Variants in DCST2 observed in about 807,000 individuals in gnomAD.
DCST2 encodes the protein DC-STAMP domain-containing protein 2.
A neutral mutation model predicts 81.8 loss-of-function variants in DCST2; 64 were observed. That is an observed-to-expected ratio of 0.78 (90% CI 0.64 to 0.96). The LOEUF is 0.96. Among genes scored for constraint, DCST2 ranks in the 40% least tolerant of loss-of-function variants. The pLI is 0.00. For synonymous variants in DCST2, 354 were observed against 402.6 expected, an observed-to-expected ratio of 0.88 and a Z score of 1.44; for missense variants, 945 against 1,001.4, an observed-to-expected ratio of 0.94 and a Z score of 0.76.
chr1:155,031,302 A>C (rs190656586), intron 4 of DCST2, 68 bp from the exon 5 acceptor site: 3 of 1,458,734 alleles, frequency 2.1e-6, no homozygotes, highest in Admixed American at 2.4e-5. Flanking sequence ...ACCTCTGGAG[A>C]CCTCTTCTCA....
intron 4 of DCST2, 59 bp downstream of exon 4, chr1:155,031,515 T>TTGCCCCCCCCCC: frequency 1.6e-6 from 1 of 643,126 alleles, no homozygotes; most frequent in Non-Finnish European, 2.9e-6. Flanking sequence ...ACCCCCACAT[T>TTGCCCCCCCCCC]CCCACCCCAC....
At position 155,030,595 on chromosome 1, in the gene DCST2, T is replaced by C. The variant is rs757949067; in HGVS notation, c.856A>G (p.Thr286Ala). The C allele has an allele frequency of 3.7e-6, 6 of 1,613,930 alleles. No homozygotes were observed. The highest frequency in any genetic ancestry group is 5.1e-6 in the Non-Finnish European group (6 of 1,179,990). The change falls in exon 6 of 15, where the codon ACA becomes GCA. Residue 286 changes from threonine (T) to alanine (A), a missense_variant. Transcript: ENST00000368424. ...RVRQEFEFNM[T>A]ATHHFSVDLN... is the part of the protein sequence containing the mutation. ...TCCACAGAGAAGTGGTGGGTGGCTG[T>C]CATGTTGAACTCAAACTCCTGACGC... is the stretch of plus-strand genomic sequence containing the variant.
At chr1:155,018,797 C>T in intron 14 of DCST2, 37 bp from the exon 15 acceptor site, 10 of 1,590,570 alleles carry the variant, frequency 6.3e-6, no homozygotes, top group Non-Finnish European at 8.6e-6. Context: ...GGATCACCCA[C>T]CTTCTGTCTT....
Position 155,024,615 on chromosome 1 carries a change from G to C in DCST2, c.1612-13C>G, listed in dbSNP as rs372178165. 8.8e-6 allele frequency: 14 copies of C among 1,587,124 alleles called. No homozygotes were observed. In the African/African-American group the frequency reaches 1.6e-4, roughly 18 times the overall value. On this transcript the variant is annotated splice_polypyrimidine_tract_variant and intron_variant, in intron 10 of 14. Coordinates refer to ENST00000368424, the MANE Select transcript of DCST2 (RefSeq NM_144622.3). ...AGGAGATCCTCTCCTGGTGCGGGGA[G>C]ATCAGGGATGGGGTCCCACTTGACC... is the stretch of plus-strand genomic sequence containing the variant.
intron 14 of DCST2, 58 bp from the exon 15 acceptor site, chr1:155,018,818 T>TCCCTGCC (rs1408509126): frequency 1.9e-5 from 29 of 1,530,608 alleles, no homozygotes; most frequent in Admixed American, 1.1e-4. Flanking sequence ...CACAGGTGCA[T>TCCCTGCC]CCCTGCCCCC....
At chr1:155,028,079 G>A (rs1053725303) in intron 8 of DCST2, among the ~76,000 whole-genome samples, 6 of 151,468 alleles carry the variant, frequency 4.0e-5, no homozygotes, top group Non-Finnish European at 7.4e-5. Flanking sequence ...CACCTGCCAC[G>A]ACGCCTGGCT....
intron 13 of DCST2, 52 bp from the exon 14 acceptor site, chr1:155,023,309 C>T: frequency 6.2e-7 from 1 of 1,612,918 alleles, no homozygotes; most frequent in South Asian, 1.1e-5. Flanking sequence ...GAGAAGGGTG[C>T]CTACTTCCAC....
chr1:155,031,540 G>A (rs1472262078), intron 4 of DCST2, 34 bp downstream of exon 4: 3 of 796,368 alleles, frequency 3.8e-6, no homozygotes, highest in Admixed American at 2.0e-5. Flanking sequence ...CCCCACATCG[G>A]CTCCTCCCCG....
At chr1:155,031,515 T>TGGCCCCCC in intron 4 of DCST2, 59 bp downstream of exon 4, 31 of 643,124 alleles carry the variant, frequency 4.8e-5, no homozygotes, top group Non-Finnish European at 8.7e-5. Flanking sequence ...ACCCCCACAT[T>TGGCCCCCC]CCCACCCCAC....
At chr1:155,028,158 TC>T (rs1043855763) in intron 8 of DCST2, among the ~76,000 whole-genome samples, 1 of 151,884 alleles carries the variant, frequency 6.6e-6, no homozygotes, top group African/African-American at 2.4e-5. Context: ...ACTCCTGACT[TC>T]AGGTGATCTA....
intron 3 of DCST2, 123 bp from the exon 4 acceptor site, chr1:155,031,894 T>C (rs1454007343): frequency 3.9e-6 from 4 of 1,034,220 alleles, no homozygotes; most frequent in Non-Finnish European, 5.7e-6. Flanking sequence ...CTGGCTGTGC[T>C]GTGTCCAGTG....
rs749953007 is a variant in DCST2, at chr1:155,033,374, T to A, written c.268+60A>T. 76 of 1,593,636 alleles carry A rather than the reference T, an allele frequency of 4.8e-5. No individual in the cohort carries two copies. In the Middle Eastern group the frequency reaches 1.0e-3, roughly 21 times the overall value. ...CTTAACCCCTGCCTCTCCTCCAGCA[T>A]CTCTTCTGCCCCAGCACCAGCCCCA... On this transcript the variant is annotated intron_variant, in intron 1 of 14. Coordinates refer to ENST00000368424, the MANE Select transcript of DCST2 (RefSeq NM_144622.3).
chr1:155,018,649 A>C lies in DCST2; in HGVS notation c.2217T>G (p.Pro739=). The C allele has an allele frequency of 6.2e-7, 1 of 1,613,872 alleles. No individual in the cohort carries two copies. Among genetic ancestry groups the C allele is most frequent in the Non-Finnish European group, 8.5e-7 (1 of 1,179,900 alleles). The part of the protein sequence containing the change: ...ILTSPEPHRP[P]ETSSATKGAP... ...CTCCTTTAGTGGCGGAGGATGTCTC[A>C]GGTGGTCTGTGGGGCTCAGGGCTGG... is the stretch of plus-strand genomic sequence containing the variant. Residue 739 remains proline, a synonymous_variant, in exon 15 of 15, where the codon CCT becomes CCG. Transcript: ENST00000368424.
chr1:155,029,826 T>C (rs1019589035), intron 7 of DCST2, among the ~76,000 whole-genome samples: 3 of 152,236 alleles, frequency 2.0e-5, no homozygotes, highest in Non-Finnish European at 4.4e-5. Context: ...AGAAGCACCA[T>C]CTGCCCCTCT....
At position 155,030,065 on chromosome 1, in the gene DCST2, C is replaced by A; in HGVS notation, c.1177+19G>T. The A allele has an allele frequency of 6.2e-7, 1 of 1,612,086 alleles. No homozygotes were observed. The highest frequency in any genetic ancestry group is 8.5e-7 in the Non-Finnish European group (1 of 1,179,672). On this transcript the variant is annotated intron_variant, in intron 7 of 14. Coordinates refer to ENST00000368424, the MANE Select transcript of DCST2 (RefSeq NM_144622.3). ...CTGGCCTCCCTGGCTTGGGCTCTCC[C>A]TGTCCTCAGGGCCCTCACCCGGTGG...
At chr1:155,018,918 G>A (rs1213296740) in intron 14 of DCST2, among the ~76,000 whole-genome samples, 158 bp from the exon 15 acceptor site, 2 of 152,124 alleles carry the variant, frequency 1.3e-5, no homozygotes, top group African/African-American at 4.8e-5. Context: ...GCCCATGGCT[G>A]TAGATATTTT....
chr1:155,033,119 T>C lies in DCST2; in HGVS notation c.414A>G (p.Leu138=), dbSNP rs1275170104. ...TGACAAGAGGTTGCTTGGCCCTCTG[T>C]AGCACTTCGGCGGTCTGGTTCAGGG... ...ELALNQTAEV[L]QRAKQPLVSA... The change falls in exon 2 of 15, where the codon CTA becomes CTG. Residue 138 remains leucine, a synonymous_variant. Coordinates refer to ENST00000368424, the MANE Select transcript of DCST2 (RefSeq NM_144622.3). 7.5e-6 allele frequency: 12 copies of C among 1,593,252 alleles called. No homozygotes were observed. In the African/African-American group the frequency reaches 9.4e-5, roughly 13 times the overall value.
At chr1:155,028,868 C>A (rs1314309603) in intron 8 of DCST2, among the ~76,000 whole-genome samples, 1,558 of 100,744 alleles carry the variant, frequency 0.015, no homozygotes, top group Middle Eastern at 0.03. Flanking sequence ...GACTCTGTCT[C>A]AAAAAAAAAA....
In DCST2 at chr1:155,027,138, T is replaced by C. The variant is rs865843864; in HGVS notation, c.1343-423A>G. 1.1e-3 allele frequency among the ~76,000 whole-genome samples: 168 copies of C among 151,750 alleles called. 1 individual carries two copies. Among genetic ancestry groups the C allele is most frequent in the African/African-American group, 3.9e-3 (160 of 41,326 alleles). On this transcript the variant is annotated intron_variant, in intron 8 of 14. Transcript: ENST00000368424. The stretch of plus-strand genomic sequence containing the variant: ...GCCTCAACTTCCCAGGTTTGAGTGA[T>C]TCTCCTGCCTCAGCCTCCCAAGTTG...
Sources: gnomAD v4.1 joint callset for allele counts (sites outside exome capture counted in the v4.1 genomes callset) on GRCh38, gnomAD v4.1.1 for gene constraint, MANE v1.5 for transcripts, NCBI Gene and HGNC (gene_info 2026-07-23, HGNC 2026-07-21) for gene names.